Variants in CORO1C observed in about 807,000 individuals in gnomAD.
CORO1C encodes the protein coronin 1C.
CORO1C carries 14 observed loss-of-function variants against 51.2 expected under a neutral mutation model. The ratio of observed to expected loss-of-function variants is 0.27; its 90% CI spans 0.18 to 0.43. The LOEUF (loss-of-function observed/expected upper bound fraction) is 0.43, where lower values mean the gene tolerates loss of function less well. Among genes scored for constraint, CORO1C ranks in the 20% least tolerant of loss-of-function variants. The pLI is 1.00. For missense variants in CORO1C, 417 were observed against 607.8 expected, an observed-to-expected ratio of 0.69 and a Z score of 3.30; for synonymous variants, 181 against 210.5, an observed-to-expected ratio of 0.86 and a Z score of 1.21.
chr12:108,663,204 C>T (rs1386052674), intron 3 of CORO1C, among the ~76,000 whole-genome samples: 1 of 152,238 alleles, frequency 6.6e-6, no homozygotes, highest in Admixed American at 6.5e-5. Flanking sequence ...AGAGCCTGCA[C>T]ACATGGCTGG....
intron 2 of CORO1C, among the ~76,000 whole-genome samples, chr12:108,686,848 C>T (rs1223144084): frequency 6.6e-6 from 1 of 152,152 alleles, no homozygotes; most frequent in Non-Finnish European, 1.5e-5. Context: ...ACAGCCTGCC[C>T]AGAGCCAAGC....
Position 108,645,504 on chromosome 12 carries a change from A to C in CORO1C, c.*1899T>G, listed in dbSNP as rs1399398067. 1 of 151,902 alleles carries C rather than the reference A, an allele frequency of 6.6e-6. No individual in the cohort carries two copies. Among genetic ancestry groups the C allele is most frequent in the Non-Finnish European group, 1.5e-5 (1 of 68,036 alleles). 9.4% of individuals were successfully genotyped at this position (151,902 alleles called of 1,614,324 possible). A position where few individuals can be genotyped will look rare whatever the true frequency, so the allele number is the denominator to read the frequency against. On this transcript the variant is annotated 3_prime_UTR_variant, in exon 11 of 11. Coordinates refer to ENST00000261401, the MANE Select transcript of CORO1C (RefSeq NM_014325.4). ...TCCTCAGCAGATTACATTGATAAAGAAACAAATACAGATTTGAATATAAGT... is the reference window on the plus strand; with the variant it reads ...TCCTCAGCAGATTACATTGATAAAGCAACAAATACAGATTTGAATATAAGT...
At chr12:108,679,182 A>AG (rs1176285316) in intron 2 of CORO1C, among the ~76,000 whole-genome samples, 22 of 150,912 alleles carry the variant, frequency 1.5e-4, no homozygotes, top group Non-Finnish European at 3.1e-4. Context: ...AAAAAAAAAA[A>AG]AAAAGAAAAG....
rs377059726 is a variant in CORO1C, at chr12:108,700,325, C to CT, written c.195+798dup. ...AACTGTTTCTAGGCCCTCTTCACAG[C>CT]TTTTTTTTCTTCATTATTTGCAGTT... is the stretch of plus-strand genomic sequence containing the variant. On this transcript the variant is annotated intron_variant, in intron 2 of 10. Coordinates refer to ENST00000261401, the MANE Select transcript of CORO1C (RefSeq NM_014325.4). Among the ~76,000 whole-genome samples, 398 of 152,088 alleles carry CT rather than the reference C, an allele frequency of 2.6e-3. 4 individuals carry two copies. The highest frequency in any genetic ancestry group is 9.2e-3 in the African/African-American group (380 of 41,500).
At chr12:108,686,186 A>C (rs1224036416) in intron 2 of CORO1C, among the ~76,000 whole-genome samples, 1 of 152,248 alleles carries the variant, frequency 6.6e-6, no homozygotes, top group Non-Finnish European at 1.5e-5. Context: ...TGCACGACAC[A>C]TACTGATTTA....
intron 1 of CORO1C, among the ~76,000 whole-genome samples, chr12:108,716,538 G>C (rs1238607302): frequency 1.3e-5 from 2 of 152,162 alleles, no homozygotes; most frequent in East Asian, 1.9e-4. Flanking sequence ...ATGTACTCCT[G>C]ACAGTGTTTC....
At chr12:108,729,738 C>A (rs1482205227) in intron 1 of CORO1C, among the ~76,000 whole-genome samples, 3 of 152,180 alleles carry the variant, frequency 2.0e-5, no homozygotes, top group Admixed American at 6.5e-5. Context: ...ATGTATAGAA[C>A]CAAGTCCAAA....
chr12:108,705,844 A>G (rs1411680280), intron 1 of CORO1C, among the ~76,000 whole-genome samples: 3 of 152,154 alleles, frequency 2.0e-5, no homozygotes, highest in Non-Finnish European at 4.4e-5. Context: ...AACGTAACAC[A>G]TTATATCAAT....
intron 2 of CORO1C, among the ~76,000 whole-genome samples, chr12:108,688,072 C>T (rs747705042): frequency 1.3e-4 from 20 of 152,016 alleles, no homozygotes; most frequent in Middle Eastern, 3.4e-3. Context: ...TACAGGCACA[C>T]GCCACCACGT....
In CORO1C at chr12:108,647,522, G is replaced by C; in HGVS notation, c.1306C>G (p.Gln436Glu). 1.3e-6 allele frequency: 2 copies of C among 1,593,684 alleles called. No individual in the cohort carries two copies. The highest frequency in any genetic ancestry group is 2.2e-5 in the South Asian group (2 of 89,046). ...PKKTTDTASV[Q>E]NEAKLDEILK... Reference sequence around the variant, plus strand: ...ATCTCATCCAACTTGGCTTCATTTTGCTAAGAAAACAAAAAAAGGAGGCAG... The same window carrying C: ...ATCTCATCCAACTTGGCTTCATTTTCCTAAGAAAACAAAAAAAGGAGGCAG... The change falls in exon 11 of 11, where the codon CAA becomes GAA. Residue 436 changes from glutamine (Q) to glutamate (E), a missense_variant and splice_region_variant. Gln to Glu is a conservative substitution (Grantham distance 29, BLOSUM62 2). Coordinates refer to ENST00000261401, the MANE Select transcript of CORO1C (RefSeq NM_014325.4).
chr12:108,708,770 AT>A (rs912602520), intron 1 of CORO1C, among the ~76,000 whole-genome samples: 2 of 151,684 alleles, frequency 1.3e-5, no homozygotes, highest in Non-Finnish European at 2.9e-5. Context: ...TCTATTTATT[AT>A]TTTTTTAGAG....
At chr12:108,715,318 CATA>C (rs139088712) in intron 1 of CORO1C, among the ~76,000 whole-genome samples, 1,782 of 152,208 alleles carry the variant, frequency 0.012, 16 homozygotes, top group Non-Finnish European at 0.017. Context: ...TAAAAGATGC[CATA>C]ATGAGGCCTG....
At chr12:108,703,009 A>G in intron 1 of CORO1C, 1 of 1,389,248 alleles carries the variant, frequency 7.2e-7, no homozygotes, top group African/African-American at 1.4e-5. Flanking sequence ...TCATTTTGGA[A>G]TCAATATGAA....
chr12:108,723,722 C>T (rs1216739062), intron 1 of CORO1C, among the ~76,000 whole-genome samples: 2 of 152,222 alleles, frequency 1.3e-5, no homozygotes, highest in African/African-American at 4.8e-5. Flanking sequence ...CAATAATCAA[C>T]CTTTGCTAAT....
At chr12:108,672,229 T>C (rs77952767) in intron 3 of CORO1C, among the ~76,000 whole-genome samples, 269 of 152,302 alleles carry the variant, frequency 1.8e-3, no homozygotes, top group African/African-American at 6.2e-3. Flanking sequence ...GACACAATGA[T>C]TGATGGAGAG....
Position 108,657,307 on chromosome 12 carries a change from A to G in CORO1C, c.747T>C (p.Asn249=), listed in dbSNP as rs751537384. The G allele has an allele frequency of 1.2e-6, 2 of 1,613,736 alleles. No homozygotes were observed. Among genetic ancestry groups the G allele is most frequent in the Non-Finnish European group, 1.7e-6 (2 of 1,179,846 alleles). ...GGAAAGCCTGGGGAGGGCGTACCGG[A>G]TTCCAGAGAGCCAGCTGCCGCTCGC... ...RMSERQLALW[N]PKNMQEPIAL... The change falls in exon 6 of 11, where the codon AAT becomes AAC. Residue 249 remains asparagine, a synonymous_variant. Coordinates refer to ENST00000261401, the MANE Select transcript of CORO1C (RefSeq NM_014325.4).
intron 3 of CORO1C, among the ~76,000 whole-genome samples, chr12:108,677,133 C>T (rs973350134): frequency 2.0e-5 from 3 of 152,176 alleles, no homozygotes; most frequent in Non-Finnish European, 4.4e-5. Context: ...CTGACACGTG[C>T]GAGACTACCT....
intron 2 of CORO1C, among the ~76,000 whole-genome samples, chr12:108,696,986 G>A (rs142077812): frequency 4.2e-4 from 64 of 152,336 alleles, no homozygotes; most frequent in Non-Finnish European, 7.5e-4. Flanking sequence ...TGCTGCATAT[G>A]TGTGTGTCTT....
At chr12:108,659,625 C>T (rs897718624) in intron 4 of CORO1C, among the ~76,000 whole-genome samples, 2 of 152,154 alleles carry the variant, frequency 1.3e-5, no homozygotes, top group Non-Finnish European at 2.9e-5. Context: ...ACCCTTTTCA[C>T]GTGCCAAATA....
Sources: gnomAD v4.1 joint callset for allele counts (sites outside exome capture counted in the v4.1 genomes callset) on GRCh38, gnomAD v4.1.1 for gene constraint, MANE v1.5 for transcripts, NCBI Gene and HGNC (gene_info 2026-07-23, HGNC 2026-07-21) for gene names.